Variants in USP14 observed in about 807,000 individuals in gnomAD.
USP14 encodes the protein ubiquitin carboxyl-terminal hydrolase 14.
A neutral mutation model predicts 76.5 loss-of-function variants in USP14; 38 were observed. The ratio of observed to expected loss-of-function variants is 0.50; its 90% CI spans 0.38 to 0.65. USP14 has a LOEUF of 0.65. Among genes scored for constraint, USP14 ranks in the 30% least tolerant of loss-of-function variants. USP14 has a pLI of 0.00. For synonymous variants in USP14, 192 were observed against 191.7 expected, an observed-to-expected ratio of 1.00 and a Z score of -0.01; for missense variants, 467 against 586.5, an observed-to-expected ratio of 0.80 and a Z score of 2.10.
At chr18:163,253 C>A in intron 1 of USP14, 55 bp from the exon 2 acceptor site, 1 of 1,504,008 alleles carries the variant, frequency 6.6e-7, no homozygotes, top group South Asian at 1.2e-5. Context: ...TTCTAAGGGT[C>A]TGTAAATCTT....
At chr18:204,816 T>TACAAA in intron 13 of USP14, 124 bp downstream of exon 13, 1 of 1,136,470 alleles carries the variant, frequency 8.8e-7, no homozygotes, top group South Asian at 1.6e-5. Context: ...ATAGTATTAT[T>TACAAA]TGGATCAATC....
At chr18:186,661 G>T (rs1909938425) in intron 5 of USP14, among the ~76,000 whole-genome samples, 1 of 151,612 alleles carries the variant, frequency 6.6e-6, no homozygotes, top group Non-Finnish European at 1.5e-5. Context: ...GCTGAGGCAG[G>T]TGGGTCGCTT....
At chr18:202,389 T>C (rs779624108) in intron 10 of USP14, among the ~76,000 whole-genome samples, 4 of 152,236 alleles carry the variant, frequency 2.6e-5, no homozygotes, top group Non-Finnish European at 4.4e-5. Flanking sequence ...CTAAAGGCTT[T>C]CCCACATCTG....
chr18:174,480 G>C (rs1213741599), intron 3 of USP14, among the ~76,000 whole-genome samples: 4 of 151,708 alleles, frequency 2.6e-5, no homozygotes, highest in Non-Finnish European at 5.9e-5. Context: ...TGGTCAGGCT[G>C]GTCTCAAACT....
At chr18:187,832 TTGAAAACACATTTATTTACCC>T (rs910182551) in intron 5 of USP14, among the ~76,000 whole-genome samples, 4 of 152,180 alleles carry the variant, frequency 2.6e-5, no homozygotes, top group African/African-American at 7.2e-5. Context: ...TTTATTTACC[TTGAAAACACATTTATTTACCC>T]TGAAAACACA....
At position 171,024 on chromosome 18, in the gene USP14, AAATATATATATATATATAT is replaced by A. The variant is rs1368199272; in HGVS notation, c.195+4207_195+4225del. Among the ~76,000 whole-genome samples the A allele has an allele frequency of 5.1e-5, 3 of 58,840 alleles. No individual in the cohort carries two copies. In the Admixed American group the frequency reaches 5.6e-4, roughly 11 times the overall value. The allele number at this position is 58,840 out of a possible 152,430, so 38.6% of individuals were successfully genotyped here. A position where few individuals can be genotyped will look rare whatever the true frequency, so the allele number is the denominator to read the frequency against. ...CCCTGGAACTTAAAAAAAAAAAAAA[AAATATATATATATATATAT>A]ATATATATATATAAACTGAAGCTAG... On this transcript the variant is annotated intron_variant, in intron 3 of 15. Coordinates refer to ENST00000261601, the MANE Select transcript of USP14 (RefSeq NM_005151.4).
At chr18:187,901 T>C (rs534502371) in intron 5 of USP14, among the ~76,000 whole-genome samples, 143 of 152,326 alleles carry the variant, frequency 9.4e-4, no homozygotes, top group African/African-American at 3.3e-3. Flanking sequence ...TGATTTATGA[T>C]ATATTTATGA....
intron 8 of USP14, 39 bp downstream of exon 8, chr18:197,735 A>T: frequency 6.6e-7 from 1 of 1,505,286 alleles, no homozygotes; most frequent in Admixed American, 1.9e-5. Flanking sequence ...CTTTCGTTAT[A>T]CCTTGATTTT....
At chr18:188,709 G>A (rs546412633) in intron 5 of USP14, among the ~76,000 whole-genome samples, 41 of 151,824 alleles carry the variant, frequency 2.7e-4, no homozygotes, top group Admixed American at 1.1e-3. Context: ...ACAGAGTCTC[G>A]CTGTGTTGCC....
At chr18:163,027 C>T (rs904101642) in intron 1 of USP14, 2 of 207,900 alleles carry the variant, frequency 9.6e-6, no homozygotes, top group Non-Finnish European at 1.9e-5. Context: ...CCGCCCGCCT[C>T]GACCTCCCAA....
At chr18:167,651 G>A (rs894806741) in intron 3 of USP14, among the ~76,000 whole-genome samples, 2 of 151,918 alleles carry the variant, frequency 1.3e-5, no homozygotes, top group African/African-American at 2.4e-5. Context: ...GACCACAGGC[G>A]GGTGTTACCA....
chr18:213,975 TTAGATAGA>T lies in USP14; in HGVS notation c.*2709_*2716del, dbSNP rs58838924. The T allele has an allele frequency of 2.7e-4, 41 of 150,218 alleles. No homozygotes were observed. The highest frequency in any genetic ancestry group is 6.9e-4 in the African/African-American group (28 of 40,396). The allele number at this position is 150,218 out of a possible 1,614,324, so 9.3% of individuals were successfully genotyped here. On this transcript the variant is annotated 3_prime_UTR_variant, in exon 16 of 16. Coordinates refer to ENST00000261601, the MANE Select transcript of USP14 (RefSeq NM_005151.4). Reference sequence around the variant, plus strand: ...TTCTGTAATGGACAAGATAGATAGATTAGATAGATAGATAGATAGATAGATGATGATTG... The same window carrying T: ...TTCTGTAATGGACAAGATAGATAGATTAGATAGATAGATAGATGATGATTG...
At chr18:202,448 T>C (rs947532581) in intron 10 of USP14, among the ~76,000 whole-genome samples, 2 of 152,234 alleles carry the variant, frequency 1.3e-5, no homozygotes, top group Non-Finnish European at 2.9e-5. Flanking sequence ...AATTTAACAA[T>C]AATTCATTGG....
chr18:194,823 C>T (rs1277801078), intron 6 of USP14, among the ~76,000 whole-genome samples: 3 of 151,936 alleles, frequency 2.0e-5, no homozygotes, highest in African/African-American at 4.8e-5. Context: ...CCCAGCTACT[C>T]GGGAGGCTGA....
At chr18:194,010 A>G (rs780885342) in intron 6 of USP14, among the ~76,000 whole-genome samples, 4 of 152,102 alleles carry the variant, frequency 2.6e-5, no homozygotes, top group Non-Finnish European at 4.4e-5. Flanking sequence ...AACTGCCAGA[A>G]TTTTCCAAAG....
chr18:202,494 A>G (rs493422), intron 10 of USP14, among the ~76,000 whole-genome samples: 115,296 of 152,122 alleles, frequency 0.76, 43,941 homozygotes, highest in East Asian at 0.97. Flanking sequence ...CGTAAAGAAC[A>G]GGAGTTTCTT....
chr18:163,236 G>T, intron 1 of USP14, 72 bp from the exon 2 acceptor site: 2 of 1,395,500 alleles, frequency 1.4e-6, no homozygotes, highest in Non-Finnish European at 1.9e-6. Context: ...CTGCCTAATT[G>T]GTGATCTTCT....
chr18:172,971 A>G (rs1200021475), intron 3 of USP14, among the ~76,000 whole-genome samples: 1 of 152,182 alleles, frequency 6.6e-6, no homozygotes, highest in African/African-American at 2.4e-5. Context: ...TATCTAAGTC[A>G]GTTGATCACA....
intron 10 of USP14, among the ~76,000 whole-genome samples, chr18:202,373 C>T (rs375058905): frequency 3.3e-5 from 5 of 152,198 alleles, no homozygotes; most frequent in African/African-American, 1.2e-4. Flanking sequence ...AAGATATGTG[C>T]AGCAGCTAAA....
Sources: allele counts gnomAD v4.1 joint callset (sites outside exome capture counted in the v4.1 genomes callset), GRCh38; gene constraint gnomAD v4.1.1; transcripts MANE v1.5; gene names NCBI Gene and HGNC (gene_info 2026-07-23, HGNC 2026-07-21).